Variants in TEX10 observed in about 807,000 individuals in gnomAD.
TEX10 encodes the protein testis-expressed protein 10.
TEX10 carries 24 observed loss-of-function variants against 104.4 expected under a neutral mutation model. That is an observed-to-expected ratio of 0.23 (90% confidence interval 0.17 to 0.32). The LOEUF is 0.32. Ranked by LOEUF, TEX10 falls within the 10% of genes least tolerant of loss-of-function variation. The pLI, the probability that TEX10 is intolerant of heterozygous loss-of-function variation, is 1.00. For synonymous variants in TEX10, 396 were observed against 393.4 expected (o/e 1.01, Z -0.08); for missense variants, 921 against 1,083.9 (o/e 0.85, Z 2.11).
At chr9:100,304,178 G>C (rs1264921407) in intron 13 of TEX10, 1 of 321,010 alleles carries the variant, frequency 3.1e-6, no homozygotes, top group African/African-American at 2.1e-5. Flanking sequence ...ACTGCTCAAA[G>C]CAACCTACAG....
intron 5 of TEX10, among the ~76,000 whole-genome samples, chr9:100,335,687 G>A (rs537064677): frequency 6.6e-6 from 1 of 151,018 alleles, no homozygotes; most frequent in Non-Finnish European, 1.5e-5. Context: ...CATTGCTTTC[G>A]TATCATTAGT....
chr9:100,347,462 C>G (rs1330433820), intron 2 of TEX10, 56 bp from the exon 3 acceptor site: 1 of 1,362,804 alleles, frequency 7.3e-7, no homozygotes, highest in Non-Finnish European at 9.9e-7. Context: ...ATCAATTTCA[C>G]GTAAACATGC....
At chr9:100,315,746 A>G (rs1834400254) in intron 11 of TEX10, among the ~76,000 whole-genome samples, 1 of 152,050 alleles carries the variant, frequency 6.6e-6, no homozygotes, top group African/African-American at 2.4e-5. Flanking sequence ...TTGGCCTGTA[A>G]GGTTTCTGCT....
At position 100,349,301 on chromosome 9, in the gene TEX10, CT is replaced by C; in HGVS notation, c.62del (p.Lys21ArgfsTer39). ...FQKVKLKVGK[K>X]KPKLQNATPT... ...GAGTAGCATTTTGTAACTTGGGCTT[CT>C]TTTTACCAACTTTCAATTTTACTTT... On this transcript the variant is annotated frameshift_variant, in exon 2 of 15. Transcript: ENST00000374902. LOFTEE classifies it high-confidence loss of function. The C allele has an allele frequency of 6.2e-7, 1 of 1,604,656 alleles. No homozygotes were observed. Among genetic ancestry groups the C allele is most frequent in the Admixed American group, 1.7e-5 (1 of 58,250 alleles).
intron 5 of TEX10, among the ~76,000 whole-genome samples, chr9:100,332,624 A>G (rs191357984): frequency 1.3e-5 from 2 of 152,162 alleles, no homozygotes; most frequent in East Asian, 3.9e-4. Flanking sequence ...GATCGAGACC[A>G]TCATGGCTAA....
intron 1 of TEX10, 128 bp downstream of exon 1, chr9:100,352,644 G>T: frequency 7.0e-7 from 1 of 1,437,828 alleles, no homozygotes; most frequent in Admixed American, 2.7e-5. Flanking sequence ...CCGCGGCCCA[G>T]ACCCGGGGGA....
chr9:100,341,063 T>C (rs903729594), intron 4 of TEX10, among the ~76,000 whole-genome samples: 2 of 152,062 alleles, frequency 1.3e-5, no homozygotes, highest in Non-Finnish European at 2.9e-5. Context: ...GCCTCCCAGA[T>C]TGAAGCGATT....
intron 8 of TEX10, among the ~76,000 whole-genome samples, chr9:100,327,114 C>A (rs1834725135): frequency 6.6e-6 from 1 of 151,980 alleles, no homozygotes; most frequent in Non-Finnish European, 1.5e-5. Context: ...TCCAAAATAT[C>A]CATGATAGGC....
At chr9:100,306,385 C>T (rs1259915706) in intron 13 of TEX10, 1 of 152,186 alleles carries the variant, frequency 6.6e-6, no homozygotes, top group Non-Finnish European at 1.5e-5. Flanking sequence ...ATCTGCAACA[C>T]ACTGAAGATA....
chr9:100,352,492 C>A (rs760938085), intron 1 of TEX10: 4 of 1,551,086 alleles, frequency 2.6e-6, no homozygotes, highest in African/African-American at 1.4e-5. Context: ...GGAAGTGGGG[C>A]CCGATTCACA....
At chr9:100,336,310 G>C (rs921460661) in intron 5 of TEX10, among the ~76,000 whole-genome samples, 4 of 152,170 alleles carry the variant, frequency 2.6e-5, no homozygotes, top group African/African-American at 9.7e-5. Context: ...TTAGGAACCA[G>C]GCCACACAGC....
At chr9:100,325,498 G>A (rs1052821595) in intron 9 of TEX10, among the ~76,000 whole-genome samples, 1 of 152,012 alleles carries the variant, frequency 6.6e-6, no homozygotes, top group African/African-American at 2.4e-5. Flanking sequence ...CTCTAATCTG[G>A]GCAACAGAGT....
intron 5 of TEX10, among the ~76,000 whole-genome samples, chr9:100,332,436 A>C (rs1157728126): frequency 6.6e-6 from 1 of 152,238 alleles, no homozygotes; most frequent in African/African-American, 2.4e-5. Context: ...GAAATTTCAA[A>C]GACTAAATAT....
At chr9:100,330,316 C>G in intron 5 of TEX10, 147 bp from the exon 6 acceptor site, 1 of 673,414 alleles carries the variant, frequency 1.5e-6, no homozygotes, top group Non-Finnish European at 2.6e-6. Flanking sequence ...ATAGGCAAGA[C>G]TTAGGCCACA....
intron 2 of TEX10, among the ~76,000 whole-genome samples, chr9:100,348,512 G>T (rs966035004): frequency 7.2e-5 from 11 of 152,166 alleles, no homozygotes; most frequent in African/African-American, 2.7e-4. Context: ...AATAAACTAT[G>T]TGCTGTATGG....
intron 8 of TEX10, among the ~76,000 whole-genome samples, 157 bp downstream of exon 8, chr9:100,327,630 G>A (rs1834741594): frequency 1.3e-5 from 2 of 152,060 alleles, no homozygotes; most frequent in Non-Finnish European, 2.9e-5. Flanking sequence ...TATTGAAAAT[G>A]AATTTACTGT....
At chr9:100,328,956 A>G (rs1196060804) in intron 7 of TEX10, among the ~76,000 whole-genome samples, 184 bp downstream of exon 7, 1 of 152,224 alleles carries the variant, frequency 6.6e-6, no homozygotes, top group Non-Finnish European at 1.5e-5. Flanking sequence ...ATATGGGTAT[A>G]AAGTTTACTG....
At position 100,316,990 on chromosome 9, in the gene TEX10, G is replaced by A. The variant is rs1259183397; in HGVS notation, c.2202+3275C>T. ...CTAGAAAACACTGATGAAAGAAAATGTAGATGACACAAACAAATGGAAAAA... is the reference window on the plus strand; with the variant it reads ...CTAGAAAACACTGATGAAAGAAAATATAGATGACACAAACAAATGGAAAAA... On this transcript the variant is annotated intron_variant, in intron 11 of 14. Coordinates refer to ENST00000374902, the MANE Select transcript of TEX10 (RefSeq NM_017746.4). 6.2e-5 allele frequency among the ~76,000 whole-genome samples: 9 copies of A among 146,264 alleles called. No homozygotes were observed. In the South Asian group the frequency reaches 2.0e-3, roughly 33 times the overall value.
intron 9 of TEX10, 48 bp from the exon 10 acceptor site, chr9:100,321,819 AG>A: frequency 2.1e-6 from 3 of 1,422,948 alleles, no homozygotes; most frequent in Non-Finnish European, 3.0e-6. Flanking sequence ...CCAACTTGAC[AG>A]ACTTGTCAAA....
Sources: allele counts gnomAD v4.1 joint callset (sites outside exome capture counted in the v4.1 genomes callset), GRCh38; gene constraint gnomAD v4.1.1; transcripts MANE v1.5; gene names NCBI Gene and HGNC (gene_info 2026-07-23, HGNC 2026-07-21).